CACNA2D3: variants seen among roughly 807,000 people sequenced by gnomAD.
The protein encoded by CACNA2D3 is calcium voltage-gated channel auxiliary subunit alpha2delta 3.
In CACNA2D3, 60 loss-of-function variants were observed where a neutral mutation model predicts 160.6. The observed-to-expected ratio is 0.37, with a 90% CI of 0.30 to 0.46. The LOEUF is 0.46. Among genes scored for constraint, CACNA2D3 ranks in the 20% least tolerant of loss-of-function variants. The probability of loss-of-function intolerance (pLI) is 1.00; values close to 1 mark genes in which losing one functional copy is unlikely to be tolerated. For missense variants in CACNA2D3, 1,205 were observed against 1,365.0 expected (o/e 0.88, Z 1.85); for synonymous variants, 558 against 492.9 (o/e 1.13, Z -1.75).
At chr3:54,420,803 TTTG>T (rs1427842718) in intron 4 of CACNA2D3, among the ~76,000 whole-genome samples, 2 of 152,050 alleles carry the variant, frequency 1.3e-5, no homozygotes, top group African/African-American at 4.8e-5. Context: ...ATTAGCTGAG[TTTG>T]TTGTTGTTTG....
At chr3:54,990,999 G>T (rs772862228) in intron 31 of CACNA2D3, among the ~76,000 whole-genome samples, 3 of 152,126 alleles carry the variant, frequency 2.0e-5, no homozygotes, top group Non-Finnish European at 4.4e-5. Flanking sequence ...CTAGTATCCA[G>T]GATCCAACTC....
chr3:55,073,755 A>ACATGCCTTAACTACAGT, intron 36 of CACNA2D3, 22 bp from the exon 37 acceptor site: 1 of 1,599,836 alleles, frequency 6.3e-7, no homozygotes, highest in Non-Finnish European at 8.6e-7. Flanking sequence ...ATCCTTGGAA[A>ACATGCCTTAACTACAGT]CATGCCTTAA....
At chr3:54,168,091 A>G (rs920542519) in intron 2 of CACNA2D3, among the ~76,000 whole-genome samples, 1 of 150,714 alleles carries the variant, frequency 6.6e-6, no homozygotes, top group Admixed American at 6.6e-5. Context: ...CCTTTCCTAT[A>G]TTTGACTTGT....
chr3:54,815,553 A>T (rs1000529371), intron 13 of CACNA2D3, among the ~76,000 whole-genome samples: 1 of 152,214 alleles, frequency 6.6e-6, no homozygotes, highest in African/African-American at 2.4e-5. Flanking sequence ...AGCACTTCTG[A>T]TGTCATAAGC....
intron 27 of CACNA2D3, among the ~76,000 whole-genome samples, chr3:54,938,722 T>TAAA: frequency 6.6e-6 from 1 of 152,258 alleles, no homozygotes; most frequent in Non-Finnish European, 1.5e-5. Context: ...TTTTTATTTT[T>TAAA]AAAAACGTCT....
chr3:54,880,691 T>G (rs1699774312), intron 20 of CACNA2D3, 105 bp from the exon 21 acceptor site: 1 of 988,130 alleles, frequency 1.0e-6, no homozygotes, highest in African/African-American at 1.6e-5. Flanking sequence ...TGTTGACAGA[T>G]CATAAAATGG....
intron 2 of CACNA2D3, among the ~76,000 whole-genome samples, chr3:54,249,703 C>T (rs912590380): frequency 6.9e-5 from 10 of 145,316 alleles, no homozygotes; most frequent in Non-Finnish European, 1.2e-4. Context: ...ACACACCCCT[C>T]ATCCTATTGG....
At chr3:54,992,066 C>T (rs979671377) in intron 31 of CACNA2D3, among the ~76,000 whole-genome samples, 79 of 152,062 alleles carry the variant, frequency 5.2e-4, no homozygotes, top group Admixed American at 4.2e-3. Context: ...CTCTCTTGTG[C>T]GTTAGCATCC....
intron 2 of CACNA2D3, among the ~76,000 whole-genome samples, chr3:54,309,650 C>T (rs1052794332): frequency 3.9e-5 from 6 of 151,984 alleles, no homozygotes; most frequent in African/African-American, 7.2e-5. Context: ...GGCCTGGGAC[C>T]CCTGATCATT....
At chr3:54,553,837 G>T (rs1349473897) in intron 5 of CACNA2D3, among the ~76,000 whole-genome samples, 5 of 152,210 alleles carry the variant, frequency 3.3e-5, no homozygotes. Context: ...CCTGTCCTGG[G>T]AAGAGGAAGT....
At position 54,642,278 on chromosome 3, in the gene CACNA2D3, C is replaced by T. The variant is rs753007551; in HGVS notation, c.1167+37C>T. The T allele has an allele frequency of 8.9e-6, 11 of 1,235,618 alleles. No homozygotes were observed. In the South Asian group the frequency reaches 1.5e-4, roughly 17 times the overall value. 76.5% of individuals were successfully genotyped at this position (1,235,618 alleles called of 1,614,324 possible). Reference sequence around the variant, plus strand: ...CTGATCCCGTCTGTGCGGTGGACTCCTTGAGAATCTTTACTGTAATCTCCA... The same window carrying T: ...CTGATCCCGTCTGTGCGGTGGACTCTTTGAGAATCTTTACTGTAATCTCCA... On this transcript the variant is annotated intron_variant, in intron 11 of 37. Coordinates refer to ENST00000474759, the MANE Select transcript of CACNA2D3 (RefSeq NM_018398.3).
intron 2 of CACNA2D3, among the ~76,000 whole-genome samples, chr3:54,182,573 C>G (rs1040086766): frequency 1.3e-5 from 2 of 152,190 alleles, no homozygotes; most frequent in African/African-American, 4.8e-5. Context: ...ATTTTCACAT[C>G]TAATGTTTCT....
chr3:54,440,598 T>C (rs1403789737), intron 4 of CACNA2D3, among the ~76,000 whole-genome samples: 3 of 152,008 alleles, frequency 2.0e-5, no homozygotes, highest in African/African-American at 7.2e-5. Context: ...AACTCGTCAT[T>C]TAACATTAGG....
chr3:54,715,851 C>A (rs535413804), intron 11 of CACNA2D3, among the ~76,000 whole-genome samples: 1 of 152,244 alleles, frequency 6.6e-6, no homozygotes, highest in East Asian at 1.9e-4. Context: ...CACAGAAAGA[C>A]AAATATGTTT....
intron 11 of CACNA2D3, among the ~76,000 whole-genome samples, chr3:54,652,402 A>C (rs1347465347): frequency 1.3e-5 from 2 of 152,244 alleles, no homozygotes; most frequent in Non-Finnish European, 2.9e-5. Context: ...ACAGGTAACC[A>C]GCAAATGAAA....
rs1559853269 is a variant in CACNA2D3, at chr3:54,122,845, G to C, written c.122+10G>C. ...AGATACCGCTCTCCGTGTAAGTGCC[G>C]GCTCCTGCGCCGCCCGGGGAGGGGA... On this transcript the variant is annotated intron_variant, in intron 1 of 37. Transcript: ENST00000474759. The C allele has an allele frequency of 8.1e-7, 1 of 1,227,472 alleles. No individual in the cohort carries two copies. The highest frequency in any genetic ancestry group is 1.0e-6 in the Non-Finnish European group (1 of 979,978). 76.0% of individuals were successfully genotyped at this position (1,227,472 alleles called of 1,614,324 possible). A position where few individuals can be genotyped will look rare whatever the true frequency, so the allele number is the denominator to read the frequency against.
chr3:54,546,218 A>C (rs1702062351), intron 5 of CACNA2D3, among the ~76,000 whole-genome samples: 1 of 152,208 alleles, frequency 6.6e-6, no homozygotes. Context: ...GAAAAGAAAT[A>C]AAGACAGAAA....
At chr3:54,710,929 G>A (rs1182581154) in intron 11 of CACNA2D3, among the ~76,000 whole-genome samples, 1 of 152,160 alleles carries the variant, frequency 6.6e-6, no homozygotes, top group Non-Finnish European at 1.5e-5. Flanking sequence ...CAGCTGAGGA[G>A]GCAATTTAAT....
intron 35 of CACNA2D3, among the ~76,000 whole-genome samples, chr3:55,022,905 T>A (rs1703490219): frequency 6.6e-6 from 1 of 152,116 alleles, no homozygotes. Flanking sequence ...ACTGTGTTTT[T>A]AACCCATGAA....
Sources: gnomAD v4.1 joint callset for allele counts (sites outside exome capture counted in the v4.1 genomes callset) on GRCh38, gnomAD v4.1.1 for gene constraint, MANE v1.5 for transcripts, NCBI Gene and HGNC (gene_info 2026-07-23, HGNC 2026-07-21) for gene names.